Variants in LRRC8A observed in about 807,000 individuals in gnomAD.
LRRC8A encodes the protein leucine rich repeat containing 8 VRAC subunit A.
LRRC8A carries 24 observed loss-of-function variants against 52.5 expected under a neutral mutation model. That is an observed-to-expected ratio of 0.46 (90% CI 0.33 to 0.64). LRRC8A has a LOEUF of 0.64. LRRC8A is among the 30% of genes least tolerant of loss of function. LRRC8A has a pLI of 0.02. For synonymous variants in LRRC8A, 492 were observed against 494.2 expected (o/e 1.00, Z 0.06); for missense variants, 677 against 1,094.7 (o/e 0.62, Z 5.38).
At position 128,892,123 on chromosome 9, in the gene LRRC8A, C is replaced by G. The variant is rs907132065; in HGVS notation, c.-9+6002C>G. Among the ~76,000 whole-genome samples, 1 of 152,230 alleles carries G rather than the reference C, an allele frequency of 6.6e-6. No homozygotes were observed. Among genetic ancestry groups the G allele is most frequent in the East Asian group, 1.9e-4 (1 of 5,196 alleles). ...TACAGATGAGGAAACCAGAGCCCAG[C>G]GAGGTGAAGGGACTTTCTCACGGTC... On this transcript the variant is annotated intron_variant, in intron 2 of 3. Transcript: ENST00000372600. This position sits in a 1 kb window ranked among gnomAD's most constrained non-coding sequence, Gnocchi z 5.2.
chr9:128,902,269 G>A lies in LRRC8A; in HGVS notation c.-8-4888G>A, dbSNP rs527783076. On this transcript the variant is annotated intron_variant, in intron 2 of 3. Transcript: ENST00000372600. This position sits in a 1 kb window ranked among gnomAD's most constrained non-coding sequence, Gnocchi z 4.1. ...GTCCGGATGTTCCCAGACCAAGCAC[G>A]GAGTTGGGGCGGGTGGTCAGAATCA... 5.9e-5 allele frequency among the ~76,000 whole-genome samples: 9 copies of A among 152,354 alleles called. No homozygotes were observed. The South Asian group carries it at 1.4e-3, about 25-fold the overall frequency.
chr9:128,909,051 C>T lies in LRRC8A; in HGVS notation c.1887C>T (p.Ile629=), dbSNP rs373159505. The T allele has an allele frequency of 4.3e-6, 7 of 1,614,154 alleles. No individual in the cohort carries two copies. The highest frequency in any genetic ancestry group is 5.1e-6 in the Non-Finnish European group (6 of 1,180,022). The part of the protein sequence containing the change: ...IDLKDNNLKT[I]EEIISFQHLH... ...TCAAGGACAACAACCTCAAGACCATCGAGGAGATCATCAGCTTCCAGCACC... is the reference window on the plus strand; with the variant it reads ...TCAAGGACAACAACCTCAAGACCATTGAGGAGATCATCAGCTTCCAGCACC... The change falls in exon 3 of 4, where the codon ATC becomes ATT. Residue 629 remains isoleucine (I), a synonymous_variant. Transcript: ENST00000372600.
At chr9:128,903,412 C>CTT (rs534139914) in intron 2 of LRRC8A, among the ~76,000 whole-genome samples, 47 of 132,444 alleles carry the variant, frequency 3.5e-4, no homozygotes, top group African/African-American at 1.2e-3. Flanking sequence ...AGGTGCTGTT[C>CTT]TTTTTTTTTT....
At chr9:128,901,904 C>G (rs1490543185) in intron 2 of LRRC8A, among the ~76,000 whole-genome samples, 1 of 152,226 alleles carries the variant, frequency 6.6e-6, no homozygotes, top group African/African-American at 2.4e-5. Flanking sequence ...GTGCCTGCAC[C>G]CTCTTTCCTG....
chr9:128,902,200 C>A lies in LRRC8A; in HGVS notation c.-8-4957C>A, dbSNP rs1840053997. On this transcript the variant is annotated intron_variant, in intron 2 of 3. Transcript: ENST00000372600. The surrounding 1 kb of genome is among the most constrained non-coding windows in gnomAD (Gnocchi z 4.1). ...CCTGAAGCAGAAGTCCCACCTTGATCATTTTTTTTTACCCCCGCTGGACCT... is the reference window on the plus strand; with the variant it reads ...CCTGAAGCAGAAGTCCCACCTTGATAATTTTTTTTTACCCCCGCTGGACCT... 6.6e-6 allele frequency among the ~76,000 whole-genome samples: 1 copy of A among 151,852 alleles called. No homozygotes were observed. Among genetic ancestry groups the A allele is most frequent in the Admixed American group, 6.6e-5 (1 of 15,246 alleles).
intron 2 of LRRC8A, among the ~76,000 whole-genome samples, chr9:128,890,882 G>A (rs749087382): frequency 7.2e-5 from 11 of 152,286 alleles, no homozygotes; most frequent in African/African-American, 1.4e-4. Context: ...TGGACGTGGC[G>A]GTTCCCACCA....
rs143305954 is a variant in LRRC8A at position 128,902,050 on chromosome 9, C to T, written c.-8-5107C>T. On this transcript the variant is annotated intron_variant, in intron 2 of 3. Coordinates refer to ENST00000372600, the MANE Select transcript of LRRC8A (RefSeq NM_019594.4). The surrounding 1 kb of genome is among the most constrained non-coding windows in gnomAD (Gnocchi z 4.1). The stretch of plus-strand genomic sequence containing the variant: ...ACCAGGGGTAGGCCCAGGCACCAGC[C>T]GGGCCAGGCCTGTGAGAGACTCCAG... 3.3e-3 allele frequency among the ~76,000 whole-genome samples: 508 copies of T among 152,328 alleles called. 2 individuals carry two copies. Among genetic ancestry groups the T allele is most frequent in the African/African-American group, 0.011 (463 of 41,578 alleles).
At chr9:128,888,243 C>T (rs1443505942) in intron 2 of LRRC8A, among the ~76,000 whole-genome samples, 4 of 152,130 alleles carry the variant, frequency 2.6e-5, no homozygotes, top group Admixed American at 1.3e-4. Context: ...TGCTGGGCAG[C>T]GCTGAGCAGG....
chr9:128,914,779 G>A (rs1423824918), intron 3 of LRRC8A, among the ~76,000 whole-genome samples: 2 of 152,206 alleles, frequency 1.3e-5, no homozygotes, highest in East Asian at 1.9e-4. Context: ...TCAACTCATG[G>A]CCTTACTTAC....
At chr9:128,884,876 C>T (rs750233665) in intron 1 of LRRC8A, 1 of 152,274 alleles carries the variant, frequency 6.6e-6, no homozygotes, top group Non-Finnish European at 1.5e-5. Flanking sequence ...ATTGACCTAC[C>T]TCCCATGACG....
intron 1 of LRRC8A, among the ~76,000 whole-genome samples, chr9:128,884,088 G>A (rs1027047277): frequency 2.0e-5 from 3 of 152,168 alleles, no homozygotes; most frequent in Admixed American, 6.5e-5. Flanking sequence ...CCAGGAAGCC[G>A]TTTCCTTTGC....
chr9:128,904,920 T>C (rs1292326464), intron 2 of LRRC8A, among the ~76,000 whole-genome samples: 1 of 147,320 alleles, frequency 6.8e-6, no homozygotes, highest in Admixed American at 7.0e-5. Flanking sequence ...ATGGCGTGAA[T>C]CTGGGAGGCG....
chr9:128,894,792 CAAA>C (rs34427753), intron 2 of LRRC8A, among the ~76,000 whole-genome samples: 90 of 123,324 alleles, frequency 7.3e-4, no homozygotes, highest in Admixed American at 8.0e-4. Context: ...GACTCTACCT[CAAA>C]AAAAAAAAAA....
At chr9:128,905,388 C>T (rs1195911894) in intron 2 of LRRC8A, among the ~76,000 whole-genome samples, 2 of 152,172 alleles carry the variant, frequency 1.3e-5, no homozygotes, top group Admixed American at 1.3e-4. Flanking sequence ...GTAAGAGCAA[C>T]CAGCCTTGGC....
Position 128,907,850 on chromosome 9 carries a change from CG to C in LRRC8A, c.689del (p.Gly230AlafsTer18). ...IEQGIVDRSE[T>X]GVLDKKEGEQ... ...CAGGGTATCGTGGACCGCTCAGAGA[CG>C]GGCGTGCTGGACAAGAAGGAGGGGG... On this transcript the variant is annotated frameshift_variant, in exon 3 of 4. Transcript: ENST00000372600. LOFTEE classifies it high-confidence loss of function. This position sits in a 1 kb window ranked among gnomAD's most constrained non-coding sequence, Gnocchi z 9.3. 6.2e-7 allele frequency: 1 copy of C among 1,614,034 alleles called. No homozygotes were observed. Among genetic ancestry groups the C allele is most frequent in the Non-Finnish European group, 8.5e-7 (1 of 1,180,018 alleles).
chr9:128,896,059 T>C (rs1839812265), intron 2 of LRRC8A, among the ~76,000 whole-genome samples: 1 of 152,240 alleles, frequency 6.6e-6, no homozygotes. Flanking sequence ...TTGAAGTCCC[T>C]TCCCCATTTT....
intron 3 of LRRC8A, among the ~76,000 whole-genome samples, chr9:128,913,871 C>T (rs777239223): frequency 6.6e-6 from 1 of 152,186 alleles, no homozygotes. Flanking sequence ...ACAGTGGTGG[C>T]AGTGTAGGAT....
rs149423439 is a variant in LRRC8A, at chr9:128,911,726, C to T, written c.2157+2405C>T. The stretch of plus-strand genomic sequence containing the variant: ...GGTCACCCCTCAGGAAAGGAGCTGG[C>T]GGCAAGCACGCTGTCCCAGAGGAAG... On this transcript the variant is annotated intron_variant, in intron 3 of 3. Coordinates refer to ENST00000372600, the MANE Select transcript of LRRC8A (RefSeq NM_019594.4). This position sits in a 1 kb window ranked among gnomAD's most constrained non-coding sequence, Gnocchi z 4.9. Among the ~76,000 whole-genome samples, 100 of 152,286 alleles carry T rather than the reference C, an allele frequency of 6.6e-4. No individual in the cohort carries two copies. The highest frequency in any genetic ancestry group is 1.9e-3 in the African/African-American group (77 of 41,554).
chr9:128,908,350 G>T lies in LRRC8A; in HGVS notation c.1186G>T (p.Glu396Ter). ...CAAGCGCTTCGCCGTCTTCCTGTCG[G>T]AGGTGAGTGAGAACAAGCTGCGGCA... Reference protein sequence around the residue: ...YSKRFAVFLSEVSENKLRQLN... With the variant: ...YSKRFAVFLS Residue 396 changes from glutamate to a stop codon, truncating the protein, a stop_gained, in exon 3 of 4, where the codon GAG (glutamate) becomes TAG (stop). Coordinates refer to ENST00000372600, the MANE Select transcript of LRRC8A (RefSeq NM_019594.4). LOFTEE classifies it high-confidence loss of function. 1 of 1,614,042 alleles carries T rather than the reference G, an allele frequency of 6.2e-7. No individual in the cohort carries two copies. The highest frequency in any genetic ancestry group is 8.5e-7 in the Non-Finnish European group (1 of 1,180,044).
Sources: allele counts gnomAD v4.1 joint callset (sites outside exome capture counted in the v4.1 genomes callset), GRCh38; gene constraint gnomAD v4.1.1; non-coding constraint Gnocchi (gnomAD v3.1); transcripts MANE v1.5; gene names NCBI Gene and HGNC (gene_info 2026-07-23, HGNC 2026-07-21).